UBXN11: variants seen among roughly 807,000 people sequenced by gnomAD.
UBXN11 encodes UBX domain-containing protein 11.
A neutral mutation model predicts 62.8 loss-of-function variants in UBXN11; 47 were observed. The observed-to-expected ratio is 0.75, with a 90% confidence interval of 0.59 to 0.95. The LOEUF is 0.95. Ranked by LOEUF, UBXN11 falls within the 40% of genes least tolerant of loss-of-function variation. The pLI is 0.00. For missense variants in UBXN11, 638 were observed against 661.7 expected, an observed-to-expected ratio of 0.96 and a Z score of 0.39; for synonymous variants, 294 against 267.0, an observed-to-expected ratio of 1.10 and a Z score of -0.99.
chr1:26,312,116 T>C (rs1041625920), intron 1 of UBXN11, among the ~76,000 whole-genome samples: 12 of 152,106 alleles, frequency 7.9e-5, no homozygotes, highest in Admixed American at 4.6e-4. Context: ...CCTTTTCCAT[T>C]TGGGAAAATT....
At chr1:26,283,900 G>A (rs1187963589) in intron 12 of UBXN11, among the ~76,000 whole-genome samples, 1 of 152,166 alleles carries the variant, frequency 6.6e-6, no homozygotes, top group African/African-American at 2.4e-5. Context: ...CTGGGCCTTG[G>A]GCTCACCCCT....
intron 8 of UBXN11, among the ~76,000 whole-genome samples, chr1:26,286,604 G>C (rs1321092685): frequency 6.6e-6 from 1 of 152,200 alleles, no homozygotes; most frequent in East Asian, 1.9e-4. Context: ...TTAAGAGCCA[G>C]CTTGGAACAC....
intron 8 of UBXN11, among the ~76,000 whole-genome samples, chr1:26,286,558 C>T (rs1469631376): frequency 6.6e-6 from 1 of 150,940 alleles, no homozygotes; most frequent in East Asian, 1.9e-4. Flanking sequence ...GTATCTGCCT[C>T]CTAGGATGGC....
intron 12 of UBXN11, 42 bp from the exon 13 acceptor site, chr1:26,282,979 ATT>A: frequency 1.2e-6 from 2 of 1,613,114 alleles, no homozygotes; most frequent in Non-Finnish European, 1.7e-6. Flanking sequence ...CCTAGGCCCC[ATT>A]TGAGTCATCC....
intron 8 of UBXN11, among the ~76,000 whole-genome samples, chr1:26,291,880 T>C (rs1037089304): frequency 6.6e-6 from 1 of 152,192 alleles, no homozygotes; most frequent in African/African-American, 2.4e-5. Context: ...CTTCCTAGCA[T>C]CATAGGGACT....
In UBXN11 at chr1:26,282,686, T is replaced by C. The variant is rs758248476; in HGVS notation, c.1255A>G (p.Thr419Ala). The stretch of plus-strand genomic sequence containing the variant: ...AGCAGAGCTCGCACGTCCCCAATGG[T>C]GTTGTCAGGCTGCATCATCAGTAGG... ...AFLLMMQPDN[T>A]IGDVRALLAQ... The change falls in exon 14 of 15, where the codon ACC becomes GCC. Residue 419 changes from threonine to alanine, a missense_variant. Physicochemically the swap from Thr to Ala is moderately conservative, Grantham distance 58. Coordinates refer to ENST00000374222, the MANE Select transcript of UBXN11 (RefSeq NM_001389556.1). The C allele has an allele frequency of 1.1e-5, 18 of 1,614,026 alleles. No homozygotes were observed. In the Admixed American group the frequency reaches 2.2e-4, roughly 19 times the overall value.
intron 8 of UBXN11, among the ~76,000 whole-genome samples, chr1:26,293,137 G>A (rs952972870): frequency 3.9e-5 from 6 of 152,210 alleles, no homozygotes; most frequent in Admixed American, 6.5e-5. Context: ...AGAGCTAGGC[G>A]CTCTGCGTTT....
At chr1:26,285,372 C>T in intron 10 of UBXN11, 92 bp downstream of exon 10, 8 of 1,554,418 alleles carry the variant, frequency 5.1e-6, no homozygotes, top group Non-Finnish European at 7.0e-6. Context: ...AGTGCAGCGG[C>T]TTCCCCTCAG....
At chr1:26,285,267 G>A (rs921524745) in intron 10 of UBXN11, 197 bp downstream of exon 10, 35 of 1,348,444 alleles carry the variant, frequency 2.6e-5, no homozygotes, top group African/African-American at 1.6e-4. Context: ...AGCAGAGGGC[G>A]CTGCCTGCTG....
At position 26,284,250 on chromosome 1, in the gene UBXN11, A is replaced by G. The variant is rs371523790; in HGVS notation, c.974-5T>C. 2 of 1,610,218 alleles carry G rather than the reference A, an allele frequency of 1.2e-6. No individual in the cohort carries two copies. The highest frequency in any genetic ancestry group is 1.7e-6 in the Non-Finnish European group (2 of 1,177,990). ...TCTCAGCAGTCATCCTGGAGCCTAC[A>G]GGCAGAGTTGGGAACCGGGGCCCAG... On this transcript the variant is annotated splice_polypyrimidine_tract_variant and splice_region_variant and intron_variant, in intron 11 of 14. Transcript: ENST00000374222.
chr1:26,282,411 C>G lies in UBXN11; in HGVS notation c.1451G>C (p.Gly484Ala). The G allele has an allele frequency of 1.2e-6, 2 of 1,604,882 alleles. No homozygotes were observed. The highest frequency in any genetic ancestry group is 2.2e-5 in the East Asian group (1 of 44,596). The part of the protein sequence containing the change: ...APKSSLKFSP[G>A]PCPGPGPGPS... ...GCCGGGACCGGGACCGGGACAGGGA[C>G]CAGGACTGAATTTCAGGCTGGACTT... The change falls in exon 15 of 15, where the codon GGT becomes GCT. Residue 484 changes from glycine to alanine, a missense_variant. By Grantham distance (60) the Gly-to-Ala change is moderately conservative. Transcript: ENST00000374222.
At chr1:26,283,131 T>C (rs910342834) in intron 12 of UBXN11, among the ~76,000 whole-genome samples, 194 bp from the exon 13 acceptor site, 2 of 151,742 alleles carry the variant, frequency 1.3e-5, no homozygotes, top group African/African-American at 4.8e-5. Context: ...AGCCCCATGG[T>C]TCCCCCCAGG....
At chr1:26,301,259 T>TG (rs1307188927) in intron 3 of UBXN11, among the ~76,000 whole-genome samples, 1 of 151,586 alleles carries the variant, frequency 6.6e-6, no homozygotes, top group Non-Finnish European at 1.5e-5. Flanking sequence ...GGTGGAGAGT[T>TG]GGGGGGCAGG....
At chr1:26,285,083 T>C (rs1403718693) in intron 10 of UBXN11, 4 of 1,031,176 alleles carry the variant, frequency 3.9e-6, no homozygotes, top group Non-Finnish European at 4.7e-6. Flanking sequence ...ATCTGTCCCC[T>C]CTGCTTTGCA....
At chr1:26,313,515 T>G (rs1465765479) in intron 1 of UBXN11, among the ~76,000 whole-genome samples, 1 of 152,294 alleles carries the variant, frequency 6.6e-6, no homozygotes, top group Admixed American at 6.5e-5. Flanking sequence ...CTTCCCCCAC[T>G]CAAATATCAG....
rs1315861337 is a variant in UBXN11 at position 26,294,264 on chromosome 1, T to C, written c.500A>G (p.Lys167Arg). 1 of 1,614,094 alleles carries C rather than the reference T, an allele frequency of 6.2e-7. No homozygotes were observed. Among genetic ancestry groups the C allele is most frequent in the Non-Finnish European group, 8.5e-7 (1 of 1,180,014 alleles). ...CCTCTCGCCATGCTCTGAGACTGTC[T>C]TGCTCTCTGAGTCCTCCTGGTCCAT... ...EPMDQEDSES[K>R]TVSEHGERDW... The change falls in exon 8 of 15, where the codon AAG becomes AGG. Residue 167 changes from lysine (K) to arginine (R), a missense_variant. Coordinates refer to ENST00000374222, the MANE Select transcript of UBXN11 (RefSeq NM_001389556.1).
At chr1:26,315,911 C>T (rs532202324) in intron 1 of UBXN11, among the ~76,000 whole-genome samples, 64 of 151,666 alleles carry the variant, frequency 4.2e-4, no homozygotes, top group African/African-American at 1.5e-3. Flanking sequence ...CCACCCACCT[C>T]GGCCTCCCAA....
chr1:26,299,381 G>A (rs1456629972), intron 4 of UBXN11, among the ~76,000 whole-genome samples: 1 of 152,026 alleles, frequency 6.6e-6, no homozygotes, highest in Non-Finnish European at 1.5e-5. Flanking sequence ...GCATGGTGGT[G>A]TGTGTCTGTA....
At chr1:26,285,435 A>G (rs2073106107) in intron 10 of UBXN11, 29 bp downstream of exon 10, 1 of 1,605,660 alleles carries the variant, frequency 6.2e-7, no homozygotes, top group South Asian at 1.1e-5. Context: ...AAAATCCCCA[A>G]AGGTGTGGTT....
Sources: gnomAD v4.1 joint callset for allele counts (sites outside exome capture counted in the v4.1 genomes callset) on GRCh38, gnomAD v4.1.1 for gene constraint, MANE v1.5 for transcripts, NCBI Gene and HGNC (gene_info 2026-07-23, HGNC 2026-07-21) for gene names.